The following NKAIN2 variants were observed in gnomAD, a reference collection of about 807,000 sequenced individuals.
NKAIN2 encodes sodium/potassium-transporting ATPase subunit beta-1-interacting protein 2.
A neutral mutation model predicts 32.6 loss-of-function variants in NKAIN2; 14 were observed. That is an observed-to-expected ratio of 0.43 (90% CI 0.28 to 0.67). The LOEUF is 0.67. NKAIN2 is among the 30% of genes least tolerant of loss of function. NKAIN2 has a pLI of 0.17. For missense variants in NKAIN2, 198 were observed against 258.3 expected, an observed-to-expected ratio of 0.77 and a Z score of 1.60; for synonymous variants, 80 against 87.2, an observed-to-expected ratio of 0.92 and a Z score of 0.46.
intron 1 of NKAIN2, among the ~76,000 whole-genome samples, chr6:123,840,847 A>G (rs1254932912): frequency 6.6e-6 from 1 of 152,166 alleles, no homozygotes; most frequent in Non-Finnish European, 1.5e-5. Flanking sequence ...TATACTATTT[A>G]TATATGTTTC....
intron 1 of NKAIN2, among the ~76,000 whole-genome samples, chr6:123,907,822 C>A (rs1258095479): frequency 6.6e-6 from 1 of 152,024 alleles, no homozygotes; most frequent in Non-Finnish European, 1.5e-5. Context: ...GTCGGGAAAT[C>A]CTTTTGCACA....
intron 1 of NKAIN2, among the ~76,000 whole-genome samples, chr6:124,234,036 A>G (rs1792606409): frequency 6.6e-6 from 1 of 152,162 alleles, no homozygotes; most frequent in African/African-American, 2.4e-5. Flanking sequence ...CCTGAAATTT[A>G]GTCCTTGGAT....
intron 1 of NKAIN2, among the ~76,000 whole-genome samples, chr6:123,832,527 T>G (rs755835325): frequency 8.5e-5 from 13 of 152,210 alleles, no homozygotes; most frequent in Non-Finnish European, 1.6e-4. Context: ...AAGAATACAT[T>G]TAATTTTGTA....
At chr6:124,697,785 A>G (rs1039339571) in intron 4 of NKAIN2, among the ~76,000 whole-genome samples, 23 of 152,212 alleles carry the variant, frequency 1.5e-4, no homozygotes, top group South Asian at 4.1e-4. Context: ...AGATGTATGT[A>G]CTAGAATATA....
chr6:124,584,413 A>G (rs1316888821), intron 3 of NKAIN2, among the ~76,000 whole-genome samples: 1 of 152,208 alleles, frequency 6.6e-6, no homozygotes, highest in Non-Finnish European at 1.5e-5. Context: ...ACACTTTGGG[A>G]GGCTGAGGCA....
intron 3 of NKAIN2, among the ~76,000 whole-genome samples, chr6:124,416,326 T>G (rs1454274484): frequency 1.3e-5 from 2 of 152,146 alleles, no homozygotes; most frequent in South Asian, 2.1e-4. Context: ...TGGCATAAAA[T>G]TTGGAATTCA....
At chr6:124,152,266 T>A (rs567291842) in intron 1 of NKAIN2, among the ~76,000 whole-genome samples, 1 of 151,972 alleles carries the variant, frequency 6.6e-6, no homozygotes, top group Non-Finnish European at 1.5e-5. Context: ...TAATAATAAT[T>A]GTAAAAGTCA....
At chr6:124,064,521 G>T (rs1402467637) in intron 1 of NKAIN2, among the ~76,000 whole-genome samples, 17 of 150,906 alleles carry the variant, frequency 1.1e-4, no homozygotes, top group Admixed American at 4.6e-4. Flanking sequence ...CATTTTTGAG[G>T]GTGAGATTAG....
At chr6:124,485,038 G>A (rs1562214393) in intron 3 of NKAIN2, among the ~76,000 whole-genome samples, 1 of 152,096 alleles carries the variant, frequency 6.6e-6, no homozygotes, top group Non-Finnish European at 1.5e-5. Context: ...AGTACCAGGG[G>A]TCAGAACTGG....
At chr6:124,512,596 G>A (rs111317474) in intron 3 of NKAIN2, among the ~76,000 whole-genome samples, 2,622 of 152,250 alleles carry the variant, frequency 0.017, 42 homozygotes, top group Non-Finnish European at 0.026. Context: ...AACAGGTGCA[G>A]GACTCAACTC....
intron 1 of NKAIN2, among the ~76,000 whole-genome samples, chr6:123,926,368 C>G (rs1776003345): frequency 6.6e-6 from 1 of 152,180 alleles, no homozygotes; most frequent in South Asian, 2.1e-4. Flanking sequence ...TTTAAGTACC[C>G]TGTCTTAAAC....
chr6:124,662,751 T>C lies in NKAIN2; in HGVS notation c.474+4365T>C, dbSNP rs1023702285. ...TGGGAATGGCACATGGGTGTTTCTT[T>C]GGATGTAGCTGATATGTATGTTGTA... On this transcript the variant is annotated intron_variant, in intron 4 of 6. Transcript: ENST00000368417. 4.6e-5 allele frequency among the ~76,000 whole-genome samples: 7 copies of C among 152,332 alleles called. No individual in the cohort carries two copies. The South Asian group carries it at 1.0e-3, about 23-fold the overall frequency.
At chr6:124,712,084 G>T (rs1375480890) in intron 4 of NKAIN2, among the ~76,000 whole-genome samples, 1 of 151,626 alleles carries the variant, frequency 6.6e-6, no homozygotes, top group Non-Finnish European at 1.5e-5. Flanking sequence ...GCCGTGTGAG[G>T]TGTCAGTGTG....
At chr6:124,203,879 T>G (rs1440006179) in intron 1 of NKAIN2, among the ~76,000 whole-genome samples, 1 of 151,884 alleles carries the variant, frequency 6.6e-6, no homozygotes, top group Non-Finnish European at 1.5e-5. Context: ...GAGCCCACTT[T>G]TAAGATGGTA....
In NKAIN2 at chr6:124,400,500, C is replaced by G. The variant is rs1412922454; in HGVS notation, c.273+45153C>G. ...TTACTTGGCTTGATATAGTCACAAG[C>G]AAAGAGAAATACTTGGCATGCTGTG... On this transcript the variant is annotated intron_variant, in intron 3 of 6. Transcript: ENST00000368417. Among the ~76,000 whole-genome samples the G allele has an allele frequency of 2.6e-5, 4 of 152,114 alleles. 1 individual carries two copies. The highest frequency in any genetic ancestry group is 2.6e-4 in the Admixed American group (4 of 15,264).
intron 1 of NKAIN2, among the ~76,000 whole-genome samples, chr6:123,825,038 C>A (rs1220249392): frequency 6.6e-6 from 1 of 152,164 alleles, no homozygotes; most frequent in Admixed American, 6.5e-5. Flanking sequence ...CAAGATCTCA[C>A]CGGGTGTCTG....
chr6:124,051,785 GTC>G (rs749116056), intron 1 of NKAIN2, among the ~76,000 whole-genome samples: 7 of 151,990 alleles, frequency 4.6e-5, no homozygotes, highest in Non-Finnish European at 8.8e-5. Flanking sequence ...GTTATCCTTG[GTC>G]TCTCTAGAAG....
intron 3 of NKAIN2, among the ~76,000 whole-genome samples, chr6:124,577,118 A>G (rs1225273463): frequency 6.6e-6 from 1 of 151,572 alleles, no homozygotes; most frequent in Non-Finnish European, 1.5e-5. Context: ...TATTCAGTTA[A>G]AAAATGAGCA....
chr6:124,251,568 C>A (rs1793692572), intron 1 of NKAIN2, among the ~76,000 whole-genome samples: 1 of 151,742 alleles, frequency 6.6e-6, no homozygotes, highest in South Asian at 2.1e-4. Flanking sequence ...AAGAGGAAAT[C>A]AAAATTATTA....
Sources: allele counts gnomAD v4.1 joint callset (sites outside exome capture counted in the v4.1 genomes callset), GRCh38; gene constraint gnomAD v4.1.1; transcripts MANE v1.5; gene names NCBI Gene and HGNC (gene_info 2026-07-23, HGNC 2026-07-21).